CDH20: variants seen among roughly 807,000 people sequenced by gnomAD.
CDH20 encodes the protein cadherin-20.
Under a neutral mutation model 74.2 loss-of-function variants are expected in CDH20, and 29 were observed. The ratio of observed to expected loss-of-function variants is 0.39; its 90% CI spans 0.29 to 0.53. The LOEUF (loss-of-function observed/expected upper bound fraction) is 0.53, where lower values mean the gene tolerates loss of function less well. Ranked by LOEUF, CDH20 falls within the 20% of genes least tolerant of loss-of-function variation. The pLI is 0.69. For synonymous variants in CDH20, 469 were observed against 405.4 expected (o/e 1.16, Z -1.88); for missense variants, 988 against 1,048.3 (o/e 0.94, Z 0.79).
At chr18:61,512,777 G>T (rs1568171548) in intron 6 of CDH20, among the ~76,000 whole-genome samples, 1 of 152,020 alleles carries the variant, frequency 6.6e-6, no homozygotes, top group Admixed American at 6.6e-5. Flanking sequence ...AGTCATTCAG[G>T]AGCAGGTTGT....
At chr18:61,534,974 T>C (rs1912770413) in intron 7 of CDH20, among the ~76,000 whole-genome samples, 1 of 152,130 alleles carries the variant, frequency 6.6e-6, no homozygotes. Flanking sequence ...TATATCTAAA[T>C]ACCACATTGT....
intron 9 of CDH20, among the ~76,000 whole-genome samples, chr18:61,543,911 G>A (rs1913130695): frequency 6.6e-6 from 1 of 152,180 alleles, no homozygotes. Flanking sequence ...AAAATATGGG[G>A]TCAAGCAGGA....
chr18:61,488,392 A>C (rs1419287289), intron 1 of CDH20, among the ~76,000 whole-genome samples: 6 of 152,138 alleles, frequency 3.9e-5, no homozygotes, highest in African/African-American at 1.4e-4. Flanking sequence ...TGATTTTTAC[A>C]TATGACCCAG....
chr18:61,525,659 G>A (rs1361149787), intron 6 of CDH20, among the ~76,000 whole-genome samples: 1 of 152,072 alleles, frequency 6.6e-6, no homozygotes, highest in African/African-American at 2.4e-5. Flanking sequence ...GAAGCACTAT[G>A]TCTGCTACTA....
intron 1 of CDH20, among the ~76,000 whole-genome samples, chr18:61,388,947 T>A (rs1911684940): frequency 6.6e-6 from 1 of 152,154 alleles, no homozygotes; most frequent in Admixed American, 6.5e-5. Context: ...ACGATTAAAA[T>A]CACATCAGGT....
At chr18:61,372,484 T>C (rs1911076882) in intron 1 of CDH20, among the ~76,000 whole-genome samples, 1 of 152,102 alleles carries the variant, frequency 6.6e-6, no homozygotes, top group Non-Finnish European at 1.5e-5. Flanking sequence ...ATTATTTAAA[T>C]TCTCCCTAGG....
At chr18:61,553,730 A>G (rs1341508913) in intron 11 of CDH20, among the ~76,000 whole-genome samples, 1 of 152,226 alleles carries the variant, frequency 6.6e-6, no homozygotes. Flanking sequence ...TTAAGATGCT[A>G]ATATACGGAA....
rs943580946 is a variant in CDH20 at position 61,503,270 on chromosome 18, A to T, written c.829+150A>T. On this transcript the variant is annotated intron_variant, in intron 5 of 11. Coordinates refer to ENST00000262717, the MANE Select transcript of CDH20 (RefSeq NM_031891.4). ...ACATTCATCATGCAATTCTCGCATA[A>T]CTATTTGCCTTCAGTGTTCCAGCTT... The T allele has an allele frequency of 1.0e-5, 6 of 576,258 alleles. No individual in the cohort carries two copies. The African/African-American group carries it at 1.1e-4, about 11-fold the overall frequency. The allele number at this position is 576,258 out of a possible 1,614,324, so 35.7% of individuals were successfully genotyped here.
At chr18:61,543,311 A>C (rs1267898280) in intron 9 of CDH20, among the ~76,000 whole-genome samples, 1 of 152,180 alleles carries the variant, frequency 6.6e-6, no homozygotes, top group Non-Finnish European at 1.5e-5. Context: ...ATGGTGGTAG[A>C]AGCACAGCTG....
intron 1 of CDH20, among the ~76,000 whole-genome samples, chr18:61,416,709 A>T (rs1484039822): frequency 6.6e-6 from 1 of 152,216 alleles, no homozygotes; most frequent in Admixed American, 6.5e-5. Flanking sequence ...CAGGACAAAG[A>T]CACATGACCA....
chr18:61,539,154 G>A lies in CDH20; in HGVS notation c.1530+9G>A. 1 of 1,613,862 alleles carries A rather than the reference G, an allele frequency of 6.2e-7. No homozygotes were observed. Among genetic ancestry groups the A allele is most frequent in the Non-Finnish European group, 8.5e-7 (1 of 1,179,906 alleles). ...ACGCCAAGGCAGGACAGGTAAGGTGGCCTGTGGGTGGTGCACTCTGCTTAA... is the reference window on the plus strand; with the variant it reads ...ACGCCAAGGCAGGACAGGTAAGGTGACCTGTGGGTGGTGCACTCTGCTTAA... On this transcript the variant is annotated intron_variant, in intron 9 of 11. Transcript: ENST00000262717.
chr18:61,378,076 C>A (rs62098071), intron 1 of CDH20, among the ~76,000 whole-genome samples: 4 of 152,176 alleles, frequency 2.6e-5, no homozygotes, highest in Non-Finnish European at 5.9e-5. Flanking sequence ...CTGTTCACAT[C>A]AGAAATGGCT....
chr18:61,376,191 A>T (rs1339785753), intron 1 of CDH20, among the ~76,000 whole-genome samples: 2 of 152,148 alleles, frequency 1.3e-5, no homozygotes, highest in Non-Finnish European at 2.9e-5. Flanking sequence ...TATCAAATGT[A>T]TGAAAGATAC....
At chr18:61,514,677 T>C (rs1342444839) in intron 6 of CDH20, among the ~76,000 whole-genome samples, 3 of 150,050 alleles carry the variant, frequency 2.0e-5, no homozygotes, top group Middle Eastern at 3.5e-3. Flanking sequence ...GATGGGTTTT[T>C]GGTGTGGATG....
intron 6 of CDH20, among the ~76,000 whole-genome samples, chr18:61,524,258 C>T (rs371522177): frequency 2.6e-4 from 39 of 152,146 alleles, no homozygotes; most frequent in Middle Eastern, 3.4e-3. Flanking sequence ...TACCACTTAA[C>T]GCACACTAGG....
At chr18:61,376,142 G>C (rs1911222087) in intron 1 of CDH20, among the ~76,000 whole-genome samples, 1 of 152,044 alleles carries the variant, frequency 6.6e-6, no homozygotes, top group African/African-American at 2.4e-5. Context: ...CCCCCTAGTA[G>C]TCTAGTGACT....
At chr18:61,486,407 C>T (rs748469599) in intron 1 of CDH20, among the ~76,000 whole-genome samples, 14 of 152,134 alleles carry the variant, frequency 9.2e-5, no homozygotes, top group South Asian at 4.2e-4. Context: ...CAACTTTTTA[C>T]TCCAATTTAT....
rs1599020025 is a variant in CDH20, at chr18:61,333,668, A to G, written c.-312A>G. On this transcript the variant is annotated 5_prime_UTR_variant, in exon 1 of 12. Transcript: ENST00000262717. ...AGAAAAGCTGTGACACTTCTGACAG[A>G]GGGGGTAGGGGGGTGGGGGGCGGGG... 1.3e-4 allele frequency: 1 copy of G among 7,702 alleles called. No homozygotes were observed. The highest frequency in any genetic ancestry group is 1.6e-3 in the Admixed American group (1 of 612). 0.5% of individuals were successfully genotyped at this position (7,702 alleles called of 1,614,324 possible).
chr18:61,463,962 C>A (rs2144363721), intron 1 of CDH20, among the ~76,000 whole-genome samples: 1 of 152,232 alleles, frequency 6.6e-6, no homozygotes, highest in African/African-American at 2.4e-5. Flanking sequence ...CCTGGAAACA[C>A]CTTGTTAGCT....
Sources: gnomAD v4.1 joint callset for allele counts (sites outside exome capture counted in the v4.1 genomes callset) on GRCh38, gnomAD v4.1.1 for gene constraint, MANE v1.5 for transcripts, NCBI Gene and HGNC (gene_info 2026-07-23, HGNC 2026-07-21) for gene names.